Variants in RHOBTB1 observed in about 807,000 individuals in gnomAD.
The protein encoded by RHOBTB1 is rho-related BTB domain-containing protein 1.
A neutral mutation model predicts 71.6 loss-of-function variants in RHOBTB1; 40 were observed. That is an observed-to-expected ratio of 0.56 (90% CI 0.43 to 0.73). The LOEUF is 0.73. RHOBTB1 is among the 30% of genes least tolerant of loss of function. The pLI, the probability that RHOBTB1 is intolerant of heterozygous loss-of-function variation, is 0.00. For missense variants in RHOBTB1, 797 were observed against 894.0 expected (o/e 0.89, Z 1.38); for synonymous variants, 319 against 334.9 (o/e 0.95, Z 0.52).
intron 2 of RHOBTB1, among the ~76,000 whole-genome samples, chr10:60,932,776 A>G (rs1206036146): frequency 6.6e-6 from 1 of 152,236 alleles, no homozygotes; most frequent in Non-Finnish European, 1.5e-5. Context: ...AGATTGAGAT[A>G]GAGATATACT....
chr10:60,886,292 TTCTGC>T, intron 6 of RHOBTB1, 62 bp from the exon 7 acceptor site: 1 of 1,231,052 alleles, frequency 8.1e-7, no homozygotes, highest in East Asian at 2.3e-5. Flanking sequence ...CAACCAAGGC[TTCTGC>T]TCCCATAGCC....
At chr10:60,967,985 C>T (rs1589433961) in intron 2 of RHOBTB1, among the ~76,000 whole-genome samples, 3 of 152,138 alleles carry the variant, frequency 2.0e-5, no homozygotes, top group African/African-American at 2.4e-5. Flanking sequence ...GAGAATTTAG[C>T]GCTGGAGGGA....
chr10:60,999,871 C>T (rs765155637), intron 1 of RHOBTB1, among the ~76,000 whole-genome samples: 5 of 152,210 alleles, frequency 3.3e-5, no homozygotes, highest in African/African-American at 4.8e-5. Flanking sequence ...ATTTCATATA[C>T]AGCTTTTTGA....
upstream of RHOBTB1, among the ~76,000 whole-genome samples, chr10:60,946,004 C>T (rs1022837242): frequency 3.3e-5 from 5 of 152,170 alleles, no homozygotes; most frequent in Non-Finnish European, 5.9e-5. Flanking sequence ...ATGGTAAAAC[C>T]CCGTCTCTAT....
intron 1 of RHOBTB1, among the ~76,000 whole-genome samples, chr10:60,986,407 A>ATATATATATAT (rs1554860016): frequency 1.0e-5 from 1 of 95,470 alleles, no homozygotes; most frequent in African/African-American, 6.3e-5. Context: ...AATAAAAGAT[A>ATATATATATAT]TATATATATA....
In RHOBTB1 at chr10:60,880,263, CAG is replaced by C. The variant is rs374461338; in HGVS notation, c.1576-2207_1576-2206del. On this transcript the variant is annotated intron_variant, in intron 7 of 10. Transcript: ENST00000337910. ...AGACAGAGTGAGAGAGAGTGAGAGA[CAG>C]AGAGAGAGAGAGAGAGAGTGTATGT... Among the ~76,000 whole-genome samples, 463 of 105,892 alleles carry C rather than the reference CAG, an allele frequency of 4.4e-3. 1 individual carries two copies. The highest frequency in any genetic ancestry group is 8.1e-3 in the African/African-American group (240 of 29,698). The allele number at this position is 105,892 out of a possible 152,430, so 69.5% of individuals were successfully genotyped here.
intron 2 of RHOBTB1, among the ~76,000 whole-genome samples, chr10:60,950,093 A>G (rs1279920217): frequency 6.6e-6 from 1 of 152,158 alleles, no homozygotes; most frequent in Middle Eastern, 3.2e-3. Flanking sequence ...ATGGTGTTCC[A>G]CTGGTCTAGC....
chr10:60,867,070 A>G (rs2080638200), downstream of RHOBTB1, among the ~76,000 whole-genome samples: 1 of 152,158 alleles, frequency 6.6e-6, no homozygotes, highest in African/African-American at 2.4e-5. Context: ...TACTTGGCAT[A>G]TGGGTGCCTT....
At chr10:60,915,326 G>A (rs1481550632) in intron 2 of RHOBTB1, among the ~76,000 whole-genome samples, 6 of 151,960 alleles carry the variant, frequency 3.9e-5, no homozygotes, top group Admixed American at 3.9e-4. Flanking sequence ...TAGAATGAGA[G>A]TAATAAGTAT....
At chr10:60,970,843 A>G (rs1158007053) in intron 2 of RHOBTB1, among the ~76,000 whole-genome samples, 1 of 152,104 alleles carries the variant, frequency 6.6e-6, no homozygotes, top group Non-Finnish European at 1.5e-5. Flanking sequence ...GTTGGACCAA[A>G]TAACAAAAAA....
upstream of RHOBTB1, among the ~76,000 whole-genome samples, chr10:60,947,127 A>G (rs950903205): frequency 4.6e-5 from 7 of 152,214 alleles, no homozygotes; most frequent in Non-Finnish European, 1.0e-4. Context: ...GAAAAGAGAG[A>G]AAAGGAATCA....
intron 2 of RHOBTB1, among the ~76,000 whole-genome samples, chr10:60,937,684 G>A (rs1367451412): frequency 6.6e-6 from 1 of 152,172 alleles, no homozygotes; most frequent in East Asian, 1.9e-4. Flanking sequence ...CAAGTGTAAT[G>A]GAGACTGGGC....
At chr10:60,943,581 G>T (rs899235969) in intron 1 of RHOBTB1, among the ~76,000 whole-genome samples, 40 of 152,156 alleles carry the variant, frequency 2.6e-4, no homozygotes, top group African/African-American at 9.6e-4. Context: ...CCCCTGTCCG[G>T]GTCCTCCGGT....
upstream of RHOBTB1, among the ~76,000 whole-genome samples, chr10:60,944,734 G>A (rs1376554017): frequency 2.0e-5 from 3 of 152,166 alleles, no homozygotes; most frequent in African/African-American, 7.2e-5. Flanking sequence ...TTTCAAAACC[G>A]AGCCCAGCTG....
intron 2 of RHOBTB1, among the ~76,000 whole-genome samples, chr10:60,952,126 C>G (rs369905548): frequency 2.1e-5 from 3 of 143,644 alleles, no homozygotes; most frequent in East Asian, 4.4e-4. Context: ...GTTATAATTT[C>G]TTTTAATCAC....
chr10:60,968,429 A>T (rs1419018448), intron 2 of RHOBTB1, among the ~76,000 whole-genome samples: 2 of 152,110 alleles, frequency 1.3e-5, no homozygotes, highest in Admixed American at 1.3e-4. Context: ...ACAAGTTTTT[A>T]GTGTTTTGAT....
At chr10:60,963,494 A>G (rs1368457464) in intron 2 of RHOBTB1, among the ~76,000 whole-genome samples, 1 of 152,166 alleles carries the variant, frequency 6.6e-6, no homozygotes, top group Non-Finnish European at 1.5e-5. Context: ...AAATATTTAG[A>G]CAGCAACATT....
At chr10:60,967,620 C>T (rs1024314531) in intron 2 of RHOBTB1, among the ~76,000 whole-genome samples, 8 of 151,864 alleles carry the variant, frequency 5.3e-5, no homozygotes, top group Admixed American at 1.3e-4. Context: ...GGAAGGGAAA[C>T]GATAGACTAC....
At chr10:60,871,741 C>T (rs2080797166) in intron 10 of RHOBTB1, 90 bp from the exon 11 acceptor site, 12 of 1,242,580 alleles carry the variant, frequency 9.7e-6, no homozygotes, top group African/African-American at 3.0e-5. Flanking sequence ...CTCAAATATC[C>T]TCTCAAAAAC....
Sources: gnomAD v4.1 joint callset for allele counts (sites outside exome capture counted in the v4.1 genomes callset) on GRCh38, gnomAD v4.1.1 for gene constraint, MANE v1.5 for transcripts, NCBI Gene and HGNC (gene_info 2026-07-23, HGNC 2026-07-21) for gene names.